CTNNA2: variants seen among roughly 807,000 people sequenced by gnomAD.
The protein encoded by CTNNA2 is catenin alpha-2.
A neutral mutation model predicts 101.0 loss-of-function variants in CTNNA2; 42 were observed. The observed-to-expected ratio is 0.42, with a 90% CI of 0.32 to 0.54. The LOEUF (loss-of-function observed/expected upper bound fraction) is 0.54. CTNNA2 is among the 20% of genes least tolerant of loss of function. The pLI is 0.14. For missense variants in CTNNA2, 871 were observed against 1,223.1 expected (o/e 0.71, Z 4.29); for synonymous variants, 450 against 456.4 (o/e 0.99, Z 0.18).
intron 1 of CTNNA2, among the ~76,000 whole-genome samples, chr2:79,543,039 GCT>G (rs1331695773): frequency 6.6e-6 from 1 of 152,048 alleles, no homozygotes; most frequent in African/African-American, 2.4e-5. Flanking sequence ...ATTTATAAAT[GCT>G]CTGTTTTTCT....
rs1672488190 is a variant in CTNNA2, at chr2:79,757,675, C to T, written c.298+13093C>T. ...ATGCATCCTGTGCAAACCTGTCCACCCGAGAACACAGCCACAGGTGGCTCA... is the reference window on the plus strand; with the variant it reads ...ATGCATCCTGTGCAAACCTGTCCACTCGAGAACACAGCCACAGGTGGCTCA... On this transcript the variant is annotated intron_variant, in intron 3 of 18. Coordinates refer to ENST00000402739, the MANE Select transcript of CTNNA2 (RefSeq NM_001282597.3). 2.6e-5 allele frequency among the ~76,000 whole-genome samples: 4 copies of T among 152,266 alleles called. No individual in the cohort carries two copies. In the South Asian group the frequency reaches 8.3e-4, roughly 32 times the overall value.
chr2:80,537,774 G>A (rs920462808), intron 9 of CTNNA2, among the ~76,000 whole-genome samples: 6 of 151,866 alleles, frequency 4.0e-5, no homozygotes, highest in African/African-American at 1.5e-4. Context: ...AGTATTTTTA[G>A]TAGAGGTGGG....
intron 2 of CTNNA2, among the ~76,000 whole-genome samples, chr2:79,291,041 T>G (rs1290832278): frequency 2.0e-5 from 3 of 152,152 alleles, no homozygotes; most frequent in African/African-American, 7.2e-5. Flanking sequence ...ACGACCTGCC[T>G]GTCTGCATGC....
At chr2:79,941,409 T>C (rs1688151589) in intron 7 of CTNNA2, among the ~76,000 whole-genome samples, 1 of 152,158 alleles carries the variant, frequency 6.6e-6, no homozygotes, top group African/African-American at 2.4e-5. Context: ...CATTCTGGTG[T>C]TCCGGGCCGT....
At chr2:79,939,718 C>T (rs1334555143) in intron 7 of CTNNA2, among the ~76,000 whole-genome samples, 1 of 152,116 alleles carries the variant, frequency 6.6e-6, no homozygotes, top group Non-Finnish European at 1.5e-5. Flanking sequence ...AATGATCTTA[C>T]ATATTAGCAA....
intron 15 of CTNNA2, among the ~76,000 whole-genome samples, chr2:80,596,045 G>A (rs1696920070): frequency 6.6e-6 from 1 of 151,984 alleles, no homozygotes; most frequent in Non-Finnish European, 1.5e-5. Context: ...TCCTTGAGCA[G>A]TGGTTTGTAG....
At chr2:80,127,088 A>G (rs1251460130) in intron 7 of CTNNA2, among the ~76,000 whole-genome samples, 2 of 152,202 alleles carry the variant, frequency 1.3e-5, no homozygotes, top group African/African-American at 4.8e-5. Flanking sequence ...ACTAGGTTGC[A>G]TTCTTTGACA....
chr2:80,568,566 CGTGTGTGTGTGTGTGTGTGTGTGT>C (rs36104924), intron 12 of CTNNA2, among the ~76,000 whole-genome samples: 1 of 149,310 alleles, frequency 6.7e-6, no homozygotes, highest in Non-Finnish European at 1.5e-5. Context: ...TAATGGTGTG[CGTGTGTGTGTGTGTGTGTGTGTGT>C]GTGTGTGAGA....
At chr2:80,026,880 A>G (rs1694962760) in intron 7 of CTNNA2, among the ~76,000 whole-genome samples, 1 of 152,196 alleles carries the variant, frequency 6.6e-6, no homozygotes, top group Non-Finnish European at 1.5e-5. Flanking sequence ...TAAAATATTT[A>G]TGAAGTCCCT....
At chr2:80,212,543 C>G (rs1486940141) in intron 7 of CTNNA2, among the ~76,000 whole-genome samples, 2 of 152,028 alleles carry the variant, frequency 1.3e-5, no homozygotes, top group East Asian at 3.8e-4. Flanking sequence ...TATGTTGAAC[C>G]AGCCTTGCAT....
chr2:80,415,721 C>G (rs960547032), intron 8 of CTNNA2, among the ~76,000 whole-genome samples: 1 of 152,078 alleles, frequency 6.6e-6, no homozygotes, highest in Non-Finnish European at 1.5e-5. Flanking sequence ...TCAGAGATAT[C>G]TGCACCCCTA....
intron 7 of CTNNA2, among the ~76,000 whole-genome samples, chr2:79,977,222 G>GCGCA (rs142876512): frequency 5.4e-3 from 783 of 144,830 alleles, no homozygotes; most frequent in Middle Eastern, 0.01. Context: ...GCATATGCAT[G>GCGCA]CACACACACA....
chr2:80,106,391 C>A (rs749904951), intron 7 of CTNNA2, among the ~76,000 whole-genome samples: 4 of 152,138 alleles, frequency 2.6e-5, no homozygotes, highest in African/African-American at 7.2e-5. Context: ...TACATTTTCA[C>A]AATAATGCAT....
At chr2:79,907,316 A>T (rs866106436) in intron 6 of CTNNA2, among the ~76,000 whole-genome samples, 33 of 148,114 alleles carry the variant, frequency 2.2e-4, no homozygotes, top group African/African-American at 8.0e-4. Flanking sequence ...AACGTATATT[A>T]TATGGATTAT....
chr2:79,654,200 C>T (rs73938765), intron 2 of CTNNA2, among the ~76,000 whole-genome samples: 6,203 of 152,258 alleles, frequency 0.041, 429 homozygotes, highest in African/African-American at 0.14. Context: ...ATTACCAATT[C>T]CAAAGCCACT....
chr2:79,817,500 C>T (rs1036772823), intron 3 of CTNNA2, among the ~76,000 whole-genome samples: 10 of 151,912 alleles, frequency 6.6e-5, no homozygotes, highest in African/African-American at 1.9e-4. Context: ...ACTTCCACTC[C>T]TCTGGCAGCA....
chr2:79,621,165 G>A (rs571220665), intron 1 of CTNNA2, among the ~76,000 whole-genome samples: 19 of 152,156 alleles, frequency 1.2e-4, no homozygotes, highest in Middle Eastern at 3.4e-3. Context: ...CCCCATTTTC[G>A]TAAAACTGTT....
chr2:80,645,863 GGTTGA>G (rs1308133814), intron 18 of CTNNA2, among the ~76,000 whole-genome samples: 2 of 152,068 alleles, frequency 1.3e-5, no homozygotes, highest in African/African-American at 2.4e-5. Flanking sequence ...CCATCCATTT[GGTTGA>G]GTTAATTCAC....
intron 7 of CTNNA2, among the ~76,000 whole-genome samples, chr2:80,018,562 G>T (rs1249792472): frequency 1.3e-5 from 2 of 152,094 alleles, no homozygotes; most frequent in Non-Finnish European, 2.9e-5. Context: ...AGATCACGAG[G>T]TTGGGAAATC....
Sources: gnomAD v4.1 joint callset for allele counts (sites outside exome capture counted in the v4.1 genomes callset) on GRCh38, gnomAD v4.1.1 for gene constraint, MANE v1.5 for transcripts, NCBI Gene and HGNC (gene_info 2026-07-23, HGNC 2026-07-21) for gene names.